Variants in NCAPH observed in about 807,000 individuals in gnomAD.
NCAPH encodes condensin complex subunit 2.
A neutral mutation model predicts 85.5 loss-of-function variants in NCAPH; 38 were observed. That is an observed-to-expected ratio of 0.44 (90% CI 0.34 to 0.58). NCAPH has a LOEUF of 0.58. NCAPH is among the 20% of genes least tolerant of loss of function. The pLI is 0.01. For missense variants in NCAPH, 789 were observed against 916.6 expected (o/e 0.86, Z 1.80); for synonymous variants, 301 against 335.1 (o/e 0.90, Z 1.11).
chr2:96,358,304 G>A (rs1217323255), intron 9 of NCAPH, among the ~76,000 whole-genome samples: 4 of 152,198 alleles, frequency 2.6e-5, no homozygotes, highest in Non-Finnish European at 5.9e-5. Context: ...AACTATAGCG[G>A]TATCTTTTGG....
intron 6 of NCAPH, among the ~76,000 whole-genome samples, chr2:96,349,984 G>A (rs1280574721): frequency 6.6e-6 from 1 of 152,216 alleles, no homozygotes; most frequent in Non-Finnish European, 1.5e-5. Context: ...GCATTGCCAG[G>A]GAGGTGATTC....
intron 1 of NCAPH, among the ~76,000 whole-genome samples, chr2:96,336,964 G>A (rs1453099565): frequency 1.3e-5 from 2 of 152,158 alleles, no homozygotes; most frequent in Non-Finnish European, 2.9e-5. Context: ...TGGATTCCAA[G>A]AGAAAGGCCA....
At chr2:96,361,657 T>C (rs2064611294) in intron 12 of NCAPH, among the ~76,000 whole-genome samples, 1 of 151,364 alleles carries the variant, frequency 6.6e-6, no homozygotes, top group South Asian at 2.1e-4. Flanking sequence ...ATCCTCTGCT[T>C]ACTTGCATTA....
Position 96,376,659 on chromosome 2 carries a change from C to G in NCAPH, c.*3308C>G, listed in dbSNP as rs1338563216. ...TCAACACCACAAGGATTTGCAGCAT[C>G]TGCGGCAACGAGTTTGGTGTCCTGG... is the stretch of plus-strand genomic sequence containing the variant. On this transcript the variant is annotated 3_prime_UTR_variant, in exon 18 of 18. Transcript: ENST00000240423. Among the ~76,000 whole-genome samples, 1 of 152,216 alleles carries G rather than the reference C, an allele frequency of 6.6e-6. No homozygotes were observed. The highest frequency in any genetic ancestry group is 1.5e-5 in the Non-Finnish European group (1 of 68,042).
At chr2:96,338,915 ATTC>A in intron 1 of NCAPH, among the ~76,000 whole-genome samples, 1 of 152,184 alleles carries the variant, frequency 6.6e-6, no homozygotes, top group South Asian at 2.1e-4. Flanking sequence ...GGTTCATGCC[ATTC>A]TTCTGTCTCA....
chr2:96,340,685 C>A (rs1020149429), intron 1 of NCAPH, among the ~76,000 whole-genome samples: 1 of 151,944 alleles, frequency 6.6e-6, no homozygotes, highest in Admixed American at 6.6e-5. Flanking sequence ...CCACCGTGCC[C>A]GGTAGCCCAG....
In NCAPH at chr2:96,354,374, G is replaced by C; in HGVS notation, c.1194G>C (p.Gln398His). ...EEFRSWKEPC[Q>H]VQSCQEEMIS... Reference sequence around the variant, plus strand: ...TCAGGAGCTGGAAGGAGCCCTGCCAGGTTCAGAGCTGCCAGTAAGGCTCTC... The same window carrying C: ...TCAGGAGCTGGAAGGAGCCCTGCCACGTTCAGAGCTGCCAGTAAGGCTCTC... The change falls in exon 9 of 18, where the codon CAG becomes CAC. Residue 398 changes from glutamine (Q) to histidine (H), a missense_variant. Physicochemically the swap from Gln to His is conservative, Grantham distance 24. Transcript: ENST00000240423. 3 of 1,591,010 alleles carry C rather than the reference G, an allele frequency of 1.9e-6. No homozygotes were observed. The highest frequency in any genetic ancestry group is 2.6e-6 in the Non-Finnish European group (3 of 1,166,502).
chr2:96,373,201 T>C, intron 17 of NCAPH, 91 bp from the exon 18 acceptor site: 1 of 1,061,050 alleles, frequency 9.4e-7, no homozygotes, highest in African/African-American at 1.6e-5. Flanking sequence ...ACTTTCTTCT[T>C]TGTAGTCACT....
rs564527490 is a variant in NCAPH at position 96,344,207 on chromosome 2, C to T, written c.698C>T (p.Ser233Phe). 208 of 1,611,534 alleles carry T rather than the reference C, an allele frequency of 1.3e-4. No individual in the cohort carries two copies. In the South Asian group the frequency reaches 2.3e-3, roughly 18 times the overall value. ...IEQNINNLNV[S>F]EADRKCEIDP... is the part of the protein sequence containing the mutation. The stretch of plus-strand genomic sequence containing the variant: ...CAGAACATAAACAACCTCAATGTCT[C>T]CGAAGCAGATCGGAAGTGTGAGGTG... The change falls in exon 6 of 18, where the codon TCC becomes TTC. Residue 233 changes from serine to phenylalanine, a missense_variant. Physicochemically the swap from Ser to Phe is radical, Grantham distance 155. Transcript: ENST00000240423.
intron 14 of NCAPH, 57 bp downstream of exon 14, chr2:96,366,115 C>G: frequency 1.9e-6 from 3 of 1,560,588 alleles, no homozygotes; most frequent in Non-Finnish European, 2.6e-6. Context: ...TTAATTGTCT[C>G]TTATATGAGA....
Position 96,359,003 on chromosome 2 carries a change from TATA to T in NCAPH, c.1209-38_1209-36del, listed in dbSNP as rs762280682. 2.5e-6 allele frequency: 4 copies of T among 1,585,394 alleles called. No individual in the cohort carries two copies. The African/African-American group carries it at 4.0e-5, about 16-fold the overall frequency. ...TATGCTTCATATGTAAATACAGCAT[TATA>T]ATATATGTATTGTACATGTACAAAT... On this transcript the variant is annotated intron_variant, in intron 9 of 17. Transcript: ENST00000240423.
In NCAPH at chr2:96,351,831, A is replaced by T. The variant is rs1387715054; in HGVS notation, c.721A>T (p.Ile241Phe). The T allele has an allele frequency of 5.0e-6, 8 of 1,596,504 alleles. No homozygotes were observed. In the East Asian group the frequency reaches 1.3e-4, roughly 27 times the overall value. The stretch of plus-strand genomic sequence containing the variant: ...CAGTTTCTTCTCTCTCTGTGTTCAG[A>T]TTGATCCCATGTTTCAGAAGACAGC... ...NVSEADRKCE[I>F]DPMFQKTAAS... The change falls in exon 7 of 18, where the codon ATT becomes TTT. Residue 241 changes from isoleucine (I) to phenylalanine (F), a missense_variant and splice_region_variant. Transcript: ENST00000240423.
Position 96,373,473 on chromosome 2 carries a change from G to A in NCAPH, c.*122G>A, listed in dbSNP as rs2064799729. 5.5e-6 allele frequency: 5 copies of A among 901,740 alleles called. No individual in the cohort carries two copies. Among genetic ancestry groups the A allele is most frequent in the Non-Finnish European group, 8.9e-6 (5 of 564,706 alleles). The allele number at this position is 901,740 out of a possible 1,614,324, so 55.9% of individuals were successfully genotyped here. A position where few individuals can be genotyped will look rare whatever the true frequency, so the allele number is the denominator to read the frequency against. ...CCAGGCTGTAGCCAACTACCAACGTGCCTGTTTGTTTGTTGCTCTTTCCTT... is the reference window on the plus strand; with the variant it reads ...CCAGGCTGTAGCCAACTACCAACGTACCTGTTTGTTTGTTGCTCTTTCCTT... On this transcript the variant is annotated 3_prime_UTR_variant, in exon 18 of 18. Coordinates refer to ENST00000240423, the MANE Select transcript of NCAPH (RefSeq NM_015341.5).
intron 15 of NCAPH, 68 bp downstream of exon 15, chr2:96,367,441 G>A: frequency 8.6e-7 from 1 of 1,161,194 alleles, no homozygotes; most frequent in Non-Finnish European, 1.3e-6. Context: ...GTCTACAGCT[G>A]AAGACACCTC....
At position 96,374,604 on chromosome 2, in the gene NCAPH, CA is replaced by C. The variant is rs961678902; in HGVS notation, c.*1258del. On this transcript the variant is annotated 3_prime_UTR_variant, in exon 18 of 18. Transcript: ENST00000240423. ...CTTCTTAGCCAAAAACCACACAAAA[CA>C]AAAATAATCCCCTCCCCACAGGAAT... is the stretch of plus-strand genomic sequence containing the variant. 6.6e-6 allele frequency among the ~76,000 whole-genome samples: 1 copy of C among 152,162 alleles called. No homozygotes were observed. The highest frequency in any genetic ancestry group is 1.5e-5 in the Non-Finnish European group (1 of 68,020).
At chr2:96,359,517 A>G (rs2064575196) in intron 10 of NCAPH, 2 of 331,062 alleles carry the variant, frequency 6.0e-6, no homozygotes, top group Non-Finnish European at 1.1e-5. Flanking sequence ...TAGAGGGCAC[A>G]CAGGAGCTAC....
chr2:96,350,391 A>G (rs747596607), intron 6 of NCAPH, among the ~76,000 whole-genome samples: 2 of 152,176 alleles, frequency 1.3e-5, no homozygotes, highest in South Asian at 4.1e-4. Context: ...TTAACTACCT[A>G]CACAAGACTT....
chr2:96,359,347 A>G (rs1375756922), intron 10 of NCAPH, 154 bp downstream of exon 10: 3 of 890,720 alleles, frequency 3.4e-6, no homozygotes, highest in African/African-American at 1.7e-5. Context: ...CTGGTTGGTC[A>G]GTTTGCCTGG....
chr2:96,362,396 G>A (rs2064637028), intron 12 of NCAPH, among the ~76,000 whole-genome samples: 1 of 152,114 alleles, frequency 6.6e-6, no homozygotes, highest in South Asian at 2.1e-4. Context: ...TTGGGAGGCC[G>A]AGGTGGGTGG....
Sources: allele counts gnomAD v4.1 joint callset (sites outside exome capture counted in the v4.1 genomes callset), GRCh38; gene constraint gnomAD v4.1.1; transcripts MANE v1.5; gene names NCBI Gene and HGNC (gene_info 2026-07-23, HGNC 2026-07-21).